XNDC1N: variants seen among roughly 807,000 people sequenced by gnomAD.
The protein encoded by XNDC1N is XRCC1 N-terminal domain containing 1, N-terminal like, also known as protein XNDC1N.
the XNDC1N span, chr11:71,928,272 TCGGGAACA>T: frequency 1.7e-6 from 1 of 577,436 alleles, no homozygotes; most frequent in East Asian, 2.9e-5. Context: ...TCACAGCTCA[TCGGGAACA>T]GGCTGCTCAG....
At chr11:71,884,966 G>C in the XNDC1N span, among the ~76,000 whole-genome samples, 2 of 151,912 alleles carry the variant, frequency 1.3e-5, no homozygotes, top group Admixed American at 6.6e-5. Flanking sequence ...CCACGATGCA[G>C]GGAGTAAGAG....
At chr11:71,913,584 G>T in the XNDC1N span, among the ~76,000 whole-genome samples, 1 of 150,506 alleles carries the variant, frequency 6.6e-6, no homozygotes, top group South Asian at 2.1e-4. Flanking sequence ...GCTTGAACCT[G>T]GGAGGCAGAG....
the XNDC1N span, among the ~76,000 whole-genome samples, chr11:71,902,452 A>T: frequency 1.3e-5 from 2 of 152,154 alleles, no homozygotes; most frequent in African/African-American, 4.8e-5. Context: ...CGGCCTCCCA[A>T]AGTGTTGGGA....
At chr11:71,874,742 G>C in the XNDC1N span, among the ~76,000 whole-genome samples, 9 of 152,136 alleles carry the variant, frequency 5.9e-5, no homozygotes, top group East Asian at 1.7e-3. Context: ...CAACTCAAGT[G>C]CAGAAAGAGA....
chr11:71,879,585 A>G, the XNDC1N span, among the ~76,000 whole-genome samples: 1 of 152,060 alleles, frequency 6.6e-6, no homozygotes, highest in African/African-American at 2.4e-5. Context: ...CCTTTCCCCC[A>G]TGAATGTTAG....
At chr11:71,882,138 C>T in the XNDC1N span, among the ~76,000 whole-genome samples, 1 of 150,712 alleles carries the variant, frequency 6.6e-6, no homozygotes, top group Non-Finnish European at 1.5e-5. Context: ...TATGGACAAC[C>T]AAGGATAAGA....
the XNDC1N span, among the ~76,000 whole-genome samples, chr11:71,892,869 T>A: frequency 6.6e-6 from 1 of 152,112 alleles, no homozygotes; most frequent in Admixed American, 6.5e-5. Flanking sequence ...CATTTTTGAG[T>A]GTGCATGTAC....
chr11:71,877,167 G>A, the XNDC1N span, among the ~76,000 whole-genome samples: 2 of 152,300 alleles, frequency 1.3e-5, no homozygotes, highest in South Asian at 2.1e-4. Flanking sequence ...ATGTAACCAC[G>A]TGTTCCATTC....
At chr11:71,876,460 C>T in the XNDC1N span, among the ~76,000 whole-genome samples, 1 of 152,186 alleles carries the variant, frequency 6.6e-6, no homozygotes, top group Non-Finnish European at 1.5e-5. Flanking sequence ...TCCTCTGACC[C>T]TTCTTTGATA....
At chr11:71,911,986 G>T in the XNDC1N span, among the ~76,000 whole-genome samples, 8 of 152,202 alleles carry the variant, frequency 5.3e-5, no homozygotes, top group African/African-American at 1.9e-4. Flanking sequence ...GATGGATTCG[G>T]TTAGCAGATG....
chr11:71,911,901 T>C, the XNDC1N span, among the ~76,000 whole-genome samples: 1 of 152,150 alleles, frequency 6.6e-6, no homozygotes, highest in Non-Finnish European at 1.5e-5. Context: ...CTCAAGCACC[T>C]GATCTTGGAC....
the XNDC1N span, chr11:71,914,256 AT>A: frequency 2.2e-6 from 1 of 456,062 alleles, no homozygotes; most frequent in South Asian, 1.5e-5. Flanking sequence ...CTTGGATGCC[AT>A]TAAGAATACT....
chr11:71,888,058 C>G, the XNDC1N span, among the ~76,000 whole-genome samples: 1 of 152,122 alleles, frequency 6.6e-6, no homozygotes, highest in African/African-American at 2.4e-5. Context: ...CCAGCAGAGA[C>G]CTAGGCTGCG....
the XNDC1N span, among the ~76,000 whole-genome samples, chr11:71,873,451 T>C: frequency 6.6e-6 from 1 of 152,216 alleles, no homozygotes; most frequent in Non-Finnish European, 1.5e-5. Flanking sequence ...TTTCTGATAT[T>C]AGCAACTTGC....
At chr11:71,916,397 T>A in the XNDC1N span, 1 of 609,606 alleles carries the variant, frequency 1.6e-6, no homozygotes, top group East Asian at 2.7e-5. Context: ...AATGTCCCCT[T>A]AGGCTTGGGT....
At chr11:71,908,763 T>C in the XNDC1N span, among the ~76,000 whole-genome samples, 1 of 152,154 alleles carries the variant, frequency 6.6e-6, no homozygotes, top group Non-Finnish European at 1.5e-5. Flanking sequence ...TGTTGCTCTT[T>C]AACAGCGAAG....
At chr11:71,876,305 T>G in the XNDC1N span, among the ~76,000 whole-genome samples, 3 of 152,228 alleles carry the variant, frequency 2.0e-5, no homozygotes, top group Non-Finnish European at 4.4e-5. Context: ...GCTTGATAGC[T>G]ATCTGATTTT....
At chr11:71,867,899 A>C in the XNDC1N span, among the ~76,000 whole-genome samples, 1 of 152,166 alleles carries the variant, frequency 6.6e-6, no homozygotes, top group Non-Finnish European at 1.5e-5. Flanking sequence ...GAAGTCTCCC[A>C]CTACTACTGT....
the XNDC1N span, among the ~76,000 whole-genome samples, chr11:71,899,273 AC>A: frequency 6.6e-6 from 1 of 152,040 alleles, no homozygotes; most frequent in Non-Finnish European, 1.5e-5. Context: ...AGCCTTGAAG[AC>A]GGAGTCTGAG....
Sources: gnomAD v4.1 joint callset for allele counts (sites outside exome capture counted in the v4.1 genomes callset) on GRCh38, gnomAD v4.1.1 for gene constraint, MANE v1.5 for transcripts, NCBI Gene and HGNC (gene_info 2026-07-23, HGNC 2026-07-21) for gene names.